Variants in DSCAM observed in about 807,000 individuals in gnomAD.
DSCAM encodes DS cell adhesion molecule.
Under a neutral mutation model 217.7 loss-of-function variants are expected in DSCAM, and 47 were observed. The observed-to-expected ratio is 0.22, with a 90% CI of 0.17 to 0.28. DSCAM has a LOEUF of 0.28. Ranked by LOEUF, DSCAM falls within the 10% of genes least tolerant of loss-of-function variation. DSCAM has a pLI of 1.00. For missense variants in DSCAM, 2,080 were observed against 2,618.3 expected, an observed-to-expected ratio of 0.79 and a Z score of 4.49; for synonymous variants, 1,056 against 1,015.3, an observed-to-expected ratio of 1.04 and a Z score of -0.76.
rs77747624 is a variant in DSCAM, at chr21:40,244,093, C to A, written c.2356+32004G>T. On this transcript the variant is annotated intron_variant, in intron 11 of 32. Coordinates refer to ENST00000400454, the MANE Select transcript of DSCAM (RefSeq NM_001389.5). ...TACTGCCATGTGGAAATGGACCATT[C>A]TGTCACGGTGAACTAATATCTTATG... 1.4e-3 allele frequency among the ~76,000 whole-genome samples: 219 copies of A among 152,330 alleles called. 1 individual carries two copies. The highest frequency in any genetic ancestry group is 2.3e-3 in the Non-Finnish European group (157 of 68,022).
At chr21:40,212,853 T>A (rs889276124) in intron 11 of DSCAM, among the ~76,000 whole-genome samples, 2 of 152,106 alleles carry the variant, frequency 1.3e-5, no homozygotes, top group Admixed American at 6.5e-5. Flanking sequence ...GAATGTCATA[T>A]AAGAGACAGA....
At chr21:40,298,931 CG>C (rs1288892765) in intron 9 of DSCAM, among the ~76,000 whole-genome samples, 6 of 152,016 alleles carry the variant, frequency 3.9e-5, no homozygotes, top group African/African-American at 1.5e-4. Context: ...CATAGAAATA[CG>C]GTAAGTATAA....
chr21:40,696,713 G>GA (rs528123464), intron 2 of DSCAM, among the ~76,000 whole-genome samples: 3 of 151,092 alleles, frequency 2.0e-5, no homozygotes, highest in African/African-American at 4.8e-5. Flanking sequence ...TAGATCAGAA[G>GA]AAAAAAAAAT....
intron 3 of DSCAM, among the ~76,000 whole-genome samples, chr21:40,515,814 G>A (rs569572175): frequency 6.6e-6 from 1 of 152,174 alleles, no homozygotes; most frequent in East Asian, 1.9e-4. Context: ...TTATTATGAA[G>A]TATCTCATGT....
chr21:40,518,771 T>C (rs771731823), intron 3 of DSCAM, among the ~76,000 whole-genome samples: 11 of 150,394 alleles, frequency 7.3e-5, no homozygotes, highest in Non-Finnish European at 1.5e-4. Flanking sequence ...CCATCCATCA[T>C]GATACAACTG....
At chr21:40,667,491 T>C (rs752912793) in intron 3 of DSCAM, among the ~76,000 whole-genome samples, 5 of 152,248 alleles carry the variant, frequency 3.3e-5, no homozygotes, top group Admixed American at 6.5e-5. Context: ...GGGACAAATC[T>C]GACCTCAGTC....
At chr21:40,460,661 T>C (rs966272427) in intron 3 of DSCAM, among the ~76,000 whole-genome samples, 2 of 152,052 alleles carry the variant, frequency 1.3e-5, no homozygotes, top group Non-Finnish European at 2.9e-5. Flanking sequence ...GGGACATAAA[T>C]GGGTAGTTAA....
chr21:40,095,003 T>C (rs2089658436), intron 20 of DSCAM, among the ~76,000 whole-genome samples: 1 of 152,164 alleles, frequency 6.6e-6, no homozygotes, highest in African/African-American at 2.4e-5. Context: ...TCCATTTTCA[T>C]GCTGCTGATA....
chr21:40,495,267 AC>A (rs1462621876), intron 3 of DSCAM, among the ~76,000 whole-genome samples: 4 of 152,126 alleles, frequency 2.6e-5, no homozygotes, highest in Non-Finnish European at 5.9e-5. Context: ...CCAGACAAGA[AC>A]ACTCTAAGAA....
At chr21:40,140,039 T>C (rs867748604) in intron 18 of DSCAM, among the ~76,000 whole-genome samples, 1 of 151,854 alleles carries the variant, frequency 6.6e-6, no homozygotes, top group African/African-American at 2.4e-5. Context: ...GTATGTGGTG[T>C]CGGTCAGCAG....
At chr21:40,489,588 A>C (rs1004681872) in intron 3 of DSCAM, among the ~76,000 whole-genome samples, 29 of 151,578 alleles carry the variant, frequency 1.9e-4, no homozygotes, top group African/African-American at 1.9e-4. Flanking sequence ...TCCCGGCTAA[A>C]ACGGTGAAAC....
chr21:40,313,494 T>C (rs1000126), intron 8 of DSCAM, among the ~76,000 whole-genome samples: 8,078 of 152,288 alleles, frequency 0.053, 445 homozygotes, highest in East Asian at 0.23. Flanking sequence ...GATGATGTCA[T>C]AGGGTATTAA....
rs773113668 is a variant in DSCAM at position 40,144,648 on chromosome 21, T to C, written c.3102A>G (p.Gln1034=). The C allele has an allele frequency of 1.7e-5, 27 of 1,614,056 alleles. No individual in the cohort carries two copies. In the African/African-American group the frequency reaches 2.8e-4, roughly 17 times the overall value. ...TGGTGTCGACACTGATAATGTTGAA[T>C]TGGAAGTTACCCCCAGTGCTGTACT... The part of the protein sequence containing the change: ...YREYSTGGNF[Q]FNIISVDTSG... Residue 1034 remains glutamine, a synonymous_variant, in exon 17 of 33, where the codon CAA becomes CAG. Transcript: ENST00000400454. The surrounding 1 kb of genome is among the most constrained non-coding windows in gnomAD (Gnocchi z 4.8).
At chr21:40,017,753 T>G (rs1005666609) in intron 32 of DSCAM, among the ~76,000 whole-genome samples, 4 of 152,200 alleles carry the variant, frequency 2.6e-5, no homozygotes, top group Admixed American at 6.5e-5. Context: ...GGTTTCTCCA[T>G]GTTGGTCAGG....
chr21:40,493,783 A>C (rs984107089), intron 3 of DSCAM, among the ~76,000 whole-genome samples: 1 of 151,286 alleles, frequency 6.6e-6, no homozygotes, highest in East Asian at 2.0e-4. Flanking sequence ...GAATCACTTG[A>C]ACCCGAGAGG....
intron 3 of DSCAM, among the ~76,000 whole-genome samples, chr21:40,399,732 T>G (rs559478912): frequency 6.6e-6 from 1 of 152,358 alleles, no homozygotes; most frequent in African/African-American, 2.4e-5. Flanking sequence ...CATTCATTTT[T>G]ATTTAACAAG....
chr21:40,336,189 G>A (rs971489666), intron 8 of DSCAM, among the ~76,000 whole-genome samples: 6 of 152,062 alleles, frequency 3.9e-5, no homozygotes, highest in South Asian at 2.1e-4. Flanking sequence ...TTGCAAATTC[G>A]ACCAGCTGCT....
intron 4 of DSCAM, among the ~76,000 whole-genome samples, chr21:40,359,646 G>A (rs2074735954): frequency 6.6e-6 from 1 of 152,184 alleles, no homozygotes; most frequent in Admixed American, 6.5e-5. Flanking sequence ...CAACAAGAGA[G>A]AATGAATGAC....
At chr21:40,772,717 T>G (rs1297852375) in intron 1 of DSCAM, among the ~76,000 whole-genome samples, 6 of 152,190 alleles carry the variant, frequency 3.9e-5, no homozygotes, top group African/African-American at 1.4e-4. Context: ...ACTGCCGGAA[T>G]GGTGGGCATC....
Sources: allele counts gnomAD v4.1 joint callset (sites outside exome capture counted in the v4.1 genomes callset), GRCh38; gene constraint gnomAD v4.1.1; non-coding constraint Gnocchi (gnomAD v3.1); transcripts MANE v1.5; gene names NCBI Gene and HGNC (gene_info 2026-07-23, HGNC 2026-07-21).